ECT2L: variants seen among roughly 807,000 people sequenced by gnomAD.
ECT2L encodes epithelial cell-transforming sequence 2 oncogene-like.
In ECT2L, 126 loss-of-function variants were observed where a neutral mutation model predicts 122.8. The observed-to-expected ratio is 1.03, with a 90% CI of 0.89 to 1.19. ECT2L has a LOEUF of 1.19. ECT2L is among the 50% of genes most tolerant of loss of function. The pLI is 0.00. For synonymous variants in ECT2L, 385 were observed against 381.8 expected (o/e 1.01, Z -0.10); for missense variants, 1,012 against 1,064.1 (o/e 0.95, Z 0.68).
intron 4 of ECT2L, chr6:138,822,870 G>A: frequency 6.2e-7 from 1 of 1,613,906 alleles, no homozygotes; most frequent in Non-Finnish European, 8.5e-7. Context: ...ATTTGCAAAA[G>A]TTTTCCTCCC....
At chr6:138,870,763 C>T (rs1163529560) in intron 13 of ECT2L, among the ~76,000 whole-genome samples, 1 of 152,112 alleles carries the variant, frequency 6.6e-6, no homozygotes, top group African/African-American at 2.4e-5. Context: ...AATCCCAGCA[C>T]TTTGGGAGGC....
intron 4 of ECT2L, among the ~76,000 whole-genome samples, chr6:138,835,846 C>T (rs1776817016): frequency 1.3e-5 from 2 of 152,164 alleles, no homozygotes; most frequent in Non-Finnish European, 2.9e-5. Context: ...GTCCAGAATC[C>T]AGCCCAGGGT....
intron 1 of ECT2L, among the ~76,000 whole-genome samples, chr6:138,809,427 C>T (rs1775817650): frequency 6.6e-6 from 1 of 152,180 alleles, no homozygotes; most frequent in African/African-American, 2.4e-5. Flanking sequence ...GATCAAGCCA[C>T]TGCACTCCAG....
chr6:138,847,661 G>A (rs377280874), intron 8 of ECT2L, among the ~76,000 whole-genome samples: 8 of 151,170 alleles, frequency 5.3e-5, no homozygotes, highest in South Asian at 2.1e-4. Flanking sequence ...ACAGGCGTAA[G>A]CCACCGCACC....
intron 20 of ECT2L, among the ~76,000 whole-genome samples, chr6:138,898,891 T>C (rs529621154): frequency 1.3e-5 from 2 of 152,206 alleles, no homozygotes; most frequent in South Asian, 2.1e-4. Context: ...TACATACTTA[T>C]GATAAAGTTT....
At chr6:138,819,842 G>A (rs577359980) in intron 4 of ECT2L, among the ~76,000 whole-genome samples, 9 of 151,586 alleles carry the variant, frequency 5.9e-5, no homozygotes, top group East Asian at 1.9e-4. Context: ...AACTGAGATC[G>A]CACCATTGCA....
chr6:138,798,831 T>G (rs1444775449), intron 1 of ECT2L, among the ~76,000 whole-genome samples: 1 of 152,222 alleles, frequency 6.6e-6, no homozygotes. Context: ...AAAACCTAAC[T>G]TAGGAGTATG....
At chr6:138,888,910 T>C in intron 19 of ECT2L, 33 bp from the exon 20 acceptor site, 1 of 1,203,204 alleles carries the variant, frequency 8.3e-7, no homozygotes, top group African/African-American at 1.5e-5. Context: ...AAAAAATTTA[T>C]ATGTACTTCT....
intron 20 of ECT2L, among the ~76,000 whole-genome samples, chr6:138,894,161 A>C (rs1270073638): frequency 6.6e-6 from 1 of 152,116 alleles, no homozygotes; most frequent in Non-Finnish European, 1.5e-5. Flanking sequence ...GGTTCAAGCG[A>C]TTCTCCTGCC....
At chr6:138,869,592 A>T (rs996411284) in intron 13 of ECT2L, among the ~76,000 whole-genome samples, 2 of 152,230 alleles carry the variant, frequency 1.3e-5, no homozygotes, top group Non-Finnish European at 2.9e-5. Context: ...GAGCAGGGAT[A>T]TTCACAGAGG....
intron 20 of ECT2L, among the ~76,000 whole-genome samples, chr6:138,893,844 T>C (rs1040899644): frequency 6.6e-6 from 1 of 152,190 alleles, no homozygotes; most frequent in African/African-American, 2.4e-5. Flanking sequence ...ACTTTATCTC[T>C]AGTAATTAAG....
intron 9 of ECT2L, 73 bp downstream of exon 9, chr6:138,849,507 G>A (rs1187228559): frequency 1.5e-5 from 22 of 1,447,844 alleles, no homozygotes; most frequent in Middle Eastern, 4.4e-4. Context: ...TGTGACTTCC[G>A]GAGGACTATC....
At chr6:138,822,888 C>T in intron 4 of ECT2L, 1 of 1,613,920 alleles carries the variant, frequency 6.2e-7, no homozygotes, top group East Asian at 2.2e-5. Context: ...CCCTGTATTC[C>T]TCACAATAGC....
Position 138,902,625 on chromosome 6 carries a change from T to A in ECT2L, c.2713T>A (p.Ter905ArgextTer4), listed in dbSNP as rs1367877297. 1 of 1,613,534 alleles carries A rather than the reference T, an allele frequency of 6.2e-7. No individual in the cohort carries two copies. The highest frequency in any genetic ancestry group is 1.7e-5 in the Admixed American group (1 of 59,962). ...RNAIKSSMEK[*>R] ...TGCAATCAAAAGCAGTATGGAGAAGTGAGACCGAACTTGAAAACTTCAGGG... is the reference window on the plus strand; with the variant it reads ...TGCAATCAAAAGCAGTATGGAGAAGAGAGACCGAACTTGAAAACTTCAGGG... Residue 905 changes from the stop codon to arginine (R), a stop_lost, in exon 22 of 22, where the codon TGA becomes AGA. Coordinates refer to ENST00000541398, the MANE Select transcript of ECT2L (RefSeq NM_001077706.3).
chr6:138,814,828 C>A (rs955476669), intron 4 of ECT2L, among the ~76,000 whole-genome samples: 1 of 152,114 alleles, frequency 6.6e-6, no homozygotes, highest in Non-Finnish European at 1.5e-5. Flanking sequence ...GGGACTGTTT[C>A]ATGTTGGCAA....
intron 4 of ECT2L, among the ~76,000 whole-genome samples, chr6:138,837,045 A>G (rs1180095821): frequency 6.6e-6 from 1 of 152,070 alleles, no homozygotes. Context: ...TGGTGTGTTC[A>G]TTGCTTCTGG....
chr6:138,847,182 A>ATCGC (rs1273491429), intron 8 of ECT2L, among the ~76,000 whole-genome samples: 4 of 151,266 alleles, frequency 2.6e-5, no homozygotes, highest in Non-Finnish European at 4.4e-5. Context: ...AGGCATGAGA[A>ATCGC]TCGCTTGAAC....
At position 138,881,248 on chromosome 6, in the gene ECT2L, GTA is replaced by G; in HGVS notation, c.1880+79_1880+80del. ...CCCATGCTTTATTGTTTCAAAAGCA[GTA>G]TGGAGGTGCAATGATGCTCTGACCC... is the stretch of plus-strand genomic sequence containing the variant. On this transcript the variant is annotated intron_variant, in intron 15 of 21. Transcript: ENST00000541398. 4 of 1,390,642 alleles carry G rather than the reference GTA, an allele frequency of 2.9e-6. No homozygotes were observed. The South Asian group carries it at 3.8e-5, about 13-fold the overall frequency. The allele number at this position is 1,390,642 out of a possible 1,614,324, so 86.1% of individuals were successfully genotyped here. A position where few individuals can be genotyped will look rare whatever the true frequency, so the allele number is the denominator to read the frequency against.
chr6:138,819,558 C>G (rs966875315), intron 4 of ECT2L, among the ~76,000 whole-genome samples: 10 of 152,218 alleles, frequency 6.6e-5, no homozygotes, highest in Admixed American at 1.3e-4. Flanking sequence ...ATCTCTAGCA[C>G]TTAGAGCCAT....
Sources: gnomAD v4.1 joint callset for allele counts (sites outside exome capture counted in the v4.1 genomes callset) on GRCh38, gnomAD v4.1.1 for gene constraint, MANE v1.5 for transcripts, NCBI Gene and HGNC (gene_info 2026-07-23, HGNC 2026-07-21) for gene names.